FAM78B: variants seen among roughly 807,000 people sequenced by gnomAD.
FAM78B encodes protein FAM78B.
A neutral mutation model predicts 20.0 loss-of-function variants in FAM78B; 10 were observed. The observed-to-expected ratio is 0.50, with a 90% confidence interval of 0.31 to 0.85. The LOEUF (loss-of-function observed/expected upper bound fraction) is 0.85. Among genes scored for constraint, FAM78B ranks in the 40% least tolerant of loss-of-function variants. The pLI, the probability that FAM78B is intolerant of heterozygous loss-of-function variation, is 0.05. For synonymous variants in FAM78B, 135 were observed against 132.8 expected (o/e 1.02, Z -0.12); for missense variants, 283 against 345.0 (o/e 0.82, Z 1.42).
At chr1:166,120,051 A>G (rs187649921) in intron 1 of FAM78B, among the ~76,000 whole-genome samples, 23 of 152,352 alleles carry the variant, frequency 1.5e-4, no homozygotes, top group Admixed American at 1.4e-3. Context: ...TCACAGCTGA[A>G]AGGTGAAAAC....
At chr1:166,151,056 G>A (rs571789372) in intron 1 of FAM78B, among the ~76,000 whole-genome samples, 7 of 152,246 alleles carry the variant, frequency 4.6e-5, no homozygotes, top group Non-Finnish European at 1.0e-4. Context: ...AGCTTGCAGA[G>A]AGATTCACCT....
At chr1:166,091,572 C>T (rs1203799645) in intron 1 of FAM78B, among the ~76,000 whole-genome samples, 2 of 152,146 alleles carry the variant, frequency 1.3e-5, no homozygotes, top group Non-Finnish European at 2.9e-5. Context: ...TGTAAATTGT[C>T]CAGTCTCAGG....
chr1:166,109,868 GTATATATATATATGTATATATGTATA>G (rs1653959055), intron 1 of FAM78B, among the ~76,000 whole-genome samples: 1 of 8,582 alleles, frequency 1.2e-4, no homozygotes, highest in African/African-American at 2.9e-4. Flanking sequence ...ATATGTATGT[GTATATATATATATGTATATATGTATA>G]TATATATATA....
At chr1:166,145,096 C>T (rs1488438606) in intron 1 of FAM78B, among the ~76,000 whole-genome samples, 1 of 152,180 alleles carries the variant, frequency 6.6e-6, no homozygotes, top group Non-Finnish European at 1.5e-5. Context: ...ATGCCCTCAA[C>T]TTGGGTCAGG....
chr1:166,059,003 C>T (rs1447759958), exon 3 of FAM78B: 1 of 152,586 alleles, frequency 6.6e-6, no homozygotes, highest in Non-Finnish European at 1.5e-5. Context: ...CAGAAATGGC[C>T]AAGGCTTGGG....
At chr1:166,077,795 T>TTA (rs1174559788) in intron 1 of FAM78B, among the ~76,000 whole-genome samples, 5 of 131,452 alleles carry the variant, frequency 3.8e-5, no homozygotes, top group African/African-American at 8.5e-5. Context: ...ATACATATAA[T>TTA]TATATATATT....
At position 166,083,799 on chromosome 1, in the gene FAM78B, C is replaced by CT. The variant is rs33994343; in HGVS notation, c.264-13037dup. On this transcript the variant is annotated intron_variant, in intron 1 of 1. Coordinates refer to ENST00000354422, the MANE Select transcript of FAM78B (RefSeq NM_001017961.5). ...TTACAGGCGTGAGCCACGCACCCAG[C>CT]TTTTTTTTTTTTTTTTTTTTTTTTA... 1.6e-3 allele frequency among the ~76,000 whole-genome samples: 145 copies of CT among 92,326 alleles called. 1 individual carries two copies. Among genetic ancestry groups the CT allele is most frequent in the African/African-American group, 5.7e-3 (136 of 23,820 alleles). 60.6% of individuals were successfully genotyped at this position (92,326 alleles called of 152,430 possible).
intron 1 of FAM78B, among the ~76,000 whole-genome samples, chr1:166,152,850 G>A (rs1655735979): frequency 2.0e-5 from 3 of 151,946 alleles, no homozygotes; most frequent in Admixed American, 2.0e-4. Flanking sequence ...GCTAATTTTT[G>A]TATTTTTAGT....
At chr1:166,056,183 A>T (rs1571116587), downstream of FAM78B, among the ~76,000 whole-genome samples, 1 of 151,976 alleles carries the variant, frequency 6.6e-6, no homozygotes, top group East Asian at 1.9e-4. Context: ...CCTTTTCTTA[A>T]ATTTTTTTTC....
downstream of FAM78B, among the ~76,000 whole-genome samples, chr1:166,069,037 A>G (rs910543113): frequency 1.3e-5 from 2 of 152,218 alleles, no homozygotes; most frequent in Admixed American, 6.5e-5. Flanking sequence ...GAAGAGCTCT[A>G]AAGTTAAGTT....
At chr1:166,063,553 T>C (rs1008509681) in intron 2 of FAM78B, among the ~76,000 whole-genome samples, 7 of 146,356 alleles carry the variant, frequency 4.8e-5, no homozygotes, top group Non-Finnish European at 9.2e-5. Flanking sequence ...AGACTCCAGC[T>C]CTGTGAAAAA....
Position 166,125,893 on chromosome 1 carries a change from G to A in FAM78B, c.263+40093C>T, listed in dbSNP as rs561428979. ...TGTCGCCAGGCTGGAGTGCAGTGGC[G>A]CGATCTCAGCTCACTGCAACCTCCA... On this transcript the variant is annotated intron_variant, in intron 1 of 1. Coordinates refer to ENST00000354422, the MANE Select transcript of FAM78B (RefSeq NM_001017961.5). Among the ~76,000 whole-genome samples, 148 of 149,402 alleles carry A rather than the reference G, an allele frequency of 9.9e-4. 2 individuals carry two copies. The highest frequency in any genetic ancestry group is 3.4e-3 in the African/African-American group (138 of 40,362).
chr1:166,150,508 G>C (rs1430247974), intron 1 of FAM78B, among the ~76,000 whole-genome samples: 1 of 152,078 alleles, frequency 6.6e-6, no homozygotes, highest in Non-Finnish European at 1.5e-5. Flanking sequence ...AGTTGAATTT[G>C]CAAAAATAAA....
At chr1:166,164,554 C>T (rs1366860660) in intron 1 of FAM78B, among the ~76,000 whole-genome samples, 2 of 152,168 alleles carry the variant, frequency 1.3e-5, no homozygotes, top group Non-Finnish European at 2.9e-5. Context: ...CATTTCTTCA[C>T]TAGGAATTGA....
At chr1:166,120,806 G>A (rs1239246327) in intron 1 of FAM78B, among the ~76,000 whole-genome samples, 1 of 152,212 alleles carries the variant, frequency 6.6e-6, no homozygotes, top group African/African-American at 2.4e-5. Flanking sequence ...GTTAACCAGG[G>A]GCAATGGATA....
chr1:166,100,999 AGAGGAAT>A (rs1232498624), intron 1 of FAM78B, among the ~76,000 whole-genome samples: 1 of 152,084 alleles, frequency 6.6e-6, no homozygotes, highest in Non-Finnish European at 1.5e-5. Flanking sequence ...CAAAACTTCC[AGAGGAAT>A]GATCAGGCAG....
At chr1:166,137,514 A>C (rs1177927321) in intron 1 of FAM78B, among the ~76,000 whole-genome samples, 1 of 150,198 alleles carries the variant, frequency 6.7e-6, no homozygotes, top group Non-Finnish European at 1.5e-5. Context: ...TTTTTTTTTT[A>C]ACTATGTTGG....
chr1:166,091,954 ACTACCC>A (rs1338514890), intron 1 of FAM78B, among the ~76,000 whole-genome samples: 1 of 151,656 alleles, frequency 6.6e-6, no homozygotes, highest in African/African-American at 2.4e-5. Context: ...TTTCTACCAC[ACTACCC>A]CTGCTTCTCA....
chr1:166,077,984 AT>A (rs1652396302), intron 1 of FAM78B, among the ~76,000 whole-genome samples: 3 of 71,948 alleles, frequency 4.2e-5, no homozygotes, highest in African/African-American at 1.6e-4. Flanking sequence ...AATATATATA[AT>A]TTATATATAT....
Sources: gnomAD v4.1 joint callset for allele counts (sites outside exome capture counted in the v4.1 genomes callset) on GRCh38, gnomAD v4.1.1 for gene constraint, MANE v1.5 for transcripts, NCBI Gene and HGNC (gene_info 2026-07-23, HGNC 2026-07-21) for gene names.